The following ADGRB3 variants were observed in gnomAD, a reference collection of about 807,000 sequenced individuals.
ADGRB3 encodes the protein adhesion G protein-coupled receptor B3.
In ADGRB3, 37 loss-of-function variants were observed where a neutral mutation model predicts 193.4. The ratio of observed to expected loss-of-function variants is 0.19; its 90% CI spans 0.15 to 0.25. The LOEUF is 0.25. Among genes scored for constraint, ADGRB3 ranks in the 10% least tolerant of loss-of-function variants. The pLI is 1.00. For synonymous variants in ADGRB3, 690 were observed against 644.2 expected (o/e 1.07, Z -1.08); for missense variants, 1,637 against 1,852.9 (o/e 0.88, Z 2.14).
intron 29 of ADGRB3, among the ~76,000 whole-genome samples, chr6:69,365,909 G>GT (rs1769557758): frequency 6.6e-6 from 1 of 152,090 alleles, no homozygotes; most frequent in African/African-American, 2.4e-5. Flanking sequence ...CTTTGAAATT[G>GT]TAAGAAGCAC....
At chr6:68,992,407 T>C (rs577394260) in intron 10 of ADGRB3, among the ~76,000 whole-genome samples, 1 of 152,272 alleles carries the variant, frequency 6.6e-6, no homozygotes, top group South Asian at 2.1e-4. Context: ...AGGGTTCATG[T>C]CCTTCTTATT....
At chr6:68,817,839 A>G (rs978857082) in intron 3 of ADGRB3, among the ~76,000 whole-genome samples, 3 of 152,084 alleles carry the variant, frequency 2.0e-5, no homozygotes, top group Non-Finnish European at 2.9e-5. Flanking sequence ...TTGAGAAAAA[A>G]TTAATGATCT....
intron 3 of ADGRB3, among the ~76,000 whole-genome samples, chr6:68,676,300 A>ATAATG (rs2127296060): frequency 6.6e-6 from 1 of 150,542 alleles, no homozygotes; most frequent in South Asian, 2.1e-4. Flanking sequence ...CTAAGGCGAG[A>ATAATG]TAATGGCTTG....
At position 69,354,309 on chromosome 6, in the gene ADGRB3, A is replaced by C. The variant is rs774729429; in HGVS notation, c.3536A>C (p.Asn1179Thr). The C allele has an allele frequency of 6.2e-7, 1 of 1,613,522 alleles. No homozygotes were observed. Among genetic ancestry groups the C allele is most frequent in the South Asian group, 1.1e-5 (1 of 91,066 alleles). Residue 1179 changes from asparagine to threonine, a missense_variant, in exon 27 of 32, where the codon AAT (asparagine) becomes ACT (threonine). Around this residue, in one of 7 missense-constraint regions of ADGRB3, gnomAD observed 116 missense variants for 168.1 expected, o/e 0.69. Transcript: ENST00000370598. The stretch of plus-strand genomic sequence containing the variant: ...GCAGATTCTTCGAGTTCGTTTCCTA[A>C]TGGGCATGCTCAAATCATGGTGAGT... ...INADSSSSFP[N>T]GHAQIMTDFE...
chr6:68,696,536 A>C (rs1765161524), intron 3 of ADGRB3, among the ~76,000 whole-genome samples: 1 of 151,828 alleles, frequency 6.6e-6, no homozygotes, highest in African/African-American at 2.4e-5. Context: ...AACTTGATGT[A>C]TTATTATTCT....
chr6:68,836,455 G>C (rs1768047952), intron 3 of ADGRB3, among the ~76,000 whole-genome samples: 1 of 152,034 alleles, frequency 6.6e-6, no homozygotes, highest in African/African-American at 2.4e-5. Context: ...TCCTGCATTT[G>C]TATTCTTGTT....
At chr6:69,370,670 T>C (rs1769688881) in intron 29 of ADGRB3, among the ~76,000 whole-genome samples, 9 of 152,150 alleles carry the variant, frequency 5.9e-5, no homozygotes, top group Admixed American at 5.9e-4. Flanking sequence ...TGCTTCTAAA[T>C]CTTTTTCACA....
At chr6:68,662,193 A>G (rs527281151) in intron 3 of ADGRB3, among the ~76,000 whole-genome samples, 37 of 151,734 alleles carry the variant, frequency 2.4e-4, no homozygotes, top group Middle Eastern at 3.4e-3. Flanking sequence ...CTTAATGGCT[A>G]TGGATTTACC....
At chr6:68,788,066 C>T (rs991871924) in intron 3 of ADGRB3, among the ~76,000 whole-genome samples, 8 of 151,800 alleles carry the variant, frequency 5.3e-5, no homozygotes, top group African/African-American at 1.9e-4. Context: ...TTAGTCTTGC[C>T]AGCAGTCTAT....
intron 20 of ADGRB3, among the ~76,000 whole-genome samples, chr6:69,251,402 C>A (rs1005572555): frequency 1.6e-4 from 24 of 151,926 alleles, no homozygotes; most frequent in African/African-American, 5.8e-4. Context: ...ACTTTGTAAT[C>A]TTATTTTAAT....
chr6:69,292,189 C>T (rs929533934), intron 20 of ADGRB3, among the ~76,000 whole-genome samples: 2 of 152,244 alleles, frequency 1.3e-5, no homozygotes, highest in East Asian at 1.9e-4. Flanking sequence ...CATCTGTATG[C>T]TTTTCTCTTT....
chr6:68,870,693 G>T (rs1400081782), intron 3 of ADGRB3, among the ~76,000 whole-genome samples: 3 of 152,178 alleles, frequency 2.0e-5, no homozygotes, highest in Admixed American at 1.3e-4. Flanking sequence ...TTAGCCACTT[G>T]CCCACTCTGT....
chr6:69,128,676 G>T (rs1773920166), intron 17 of ADGRB3, among the ~76,000 whole-genome samples: 1 of 152,096 alleles, frequency 6.6e-6, no homozygotes, highest in African/African-American at 2.4e-5. Flanking sequence ...AAATGAAATG[G>T]TACTATTTTC....
intron 22 of ADGRB3, 48 bp downstream of exon 22, chr6:69,327,937 T>A (rs755916139): frequency 9.8e-6 from 15 of 1,525,636 alleles, no homozygotes; most frequent in Non-Finnish European, 1.3e-5. Flanking sequence ...TAACAAATCA[T>A]CAAAGAGTCT....
In ADGRB3 at chr6:68,661,536, T is replaced by C. The variant is rs1177119442; in HGVS notation, c.757+22104T>C. ...GTGTGTATACATATATATATGTGTATACATATATATATATATATATATATA... is the reference window on the plus strand; with the variant it reads ...GTGTGTATACATATATATATGTGTACACATATATATATATATATATATATA... On this transcript the variant is annotated intron_variant, in intron 3 of 31. Transcript: ENST00000370598. 4.1e-4 allele frequency among the ~76,000 whole-genome samples: 17 copies of C among 41,546 alleles called. 2 individuals carry two copies. The highest frequency in any genetic ancestry group is 1.6e-3 in the African/African-American group (17 of 10,554). 27.3% of individuals were successfully genotyped at this position (41,546 alleles called of 152,430 possible).
intron 5 of ADGRB3, among the ~76,000 whole-genome samples, chr6:68,937,179 T>C (rs773923715): frequency 1.3e-5 from 2 of 152,128 alleles, no homozygotes; most frequent in Non-Finnish European, 2.9e-5. Context: ...GTAACTTTCA[T>C]CATCAGAGGT....
chr6:68,770,172 T>C (rs764947972), intron 3 of ADGRB3, among the ~76,000 whole-genome samples: 1 of 152,104 alleles, frequency 6.6e-6, no homozygotes, highest in African/African-American at 2.4e-5. Context: ...GGGCTCTTAT[T>C]GATTATTTGG....
Position 69,361,525 on chromosome 6 carries a change from A to G in ADGRB3, c.4239+13A>G, listed in dbSNP as rs1341118241. The G allele has an allele frequency of 1.3e-6, 2 of 1,598,574 alleles. No homozygotes were observed. The highest frequency in any genetic ancestry group is 1.1e-5 in the South Asian group (1 of 89,396). On this transcript the variant is annotated intron_variant, in intron 29 of 31. Transcript: ENST00000370598. ...GAGTTCTTTAGAGGTGAGCCACAGA[A>G]GATTAAATTTTTCCTTGATAGTTGA...
In ADGRB3 at chr6:69,327,962, G is replaced by A. The variant is rs1312283846; in HGVS notation, c.3035+73G>A. ...TCAAAGAGTCTTGGTTGGCACTGCTGATGGCTTGCAGTTTATCATGGAATC... is the reference window on the plus strand; with the variant it reads ...TCAAAGAGTCTTGGTTGGCACTGCTAATGGCTTGCAGTTTATCATGGAATC... On this transcript the variant is annotated intron_variant, in intron 22 of 31. Transcript: ENST00000370598. The A allele has an allele frequency of 3.0e-6, 4 of 1,337,270 alleles. No individual in the cohort carries two copies. In the African/African-American group the frequency reaches 4.4e-5, roughly 15 times the overall value. The allele number at this position is 1,337,270 out of a possible 1,614,324, so 82.8% of individuals were successfully genotyped here.
Sources: gnomAD v4.1 joint callset for allele counts (sites outside exome capture counted in the v4.1 genomes callset) on GRCh38, gnomAD v4.1.1 for gene constraint, gnomAD v4.1.1 regional missense constraint, MANE v1.5 for transcripts, NCBI Gene and HGNC (gene_info 2026-07-23, HGNC 2026-07-21) for gene names.